The following ANO4 variants were observed in gnomAD, a reference collection of about 807,000 sequenced individuals.
ANO4 encodes the protein anoctamin 4.
Under a neutral mutation model 141.9 loss-of-function variants are expected in ANO4, and 69 were observed. The observed-to-expected ratio is 0.49, with a 90% CI of 0.40 to 0.59. The LOEUF is 0.59. Ranked by LOEUF, ANO4 falls within the 20% of genes least tolerant of loss-of-function variation. ANO4 has a pLI of 0.00. For missense variants in ANO4, 894 were observed against 1,162.2 expected, an observed-to-expected ratio of 0.77 and a Z score of 3.36; for synonymous variants, 350 against 394.3, an observed-to-expected ratio of 0.89 and a Z score of 1.33.
upstream of ANO4, chr12:100,717,449 G>C (rs910444126): frequency 1.5e-5 from 6 of 395,762 alleles, 1 homozygote; most frequent in African/African-American, 4.1e-5. Flanking sequence ...TCGCCGGGCC[G>C]GGCCGTCCAG....
At chr12:101,003,769 A>C (rs1348102050) in intron 8 of ANO4, among the ~76,000 whole-genome samples, 1 of 152,182 alleles carries the variant, frequency 6.6e-6, no homozygotes, top group Non-Finnish European at 1.5e-5. Flanking sequence ...CAAAATATCT[A>C]GAAGAGAAGT....
At chr12:100,753,010 A>G (rs965465685) in intron 3 of ANO4, among the ~76,000 whole-genome samples, 2 of 152,096 alleles carry the variant, frequency 1.3e-5, no homozygotes, top group African/African-American at 4.8e-5. Context: ...AATGGGAGCA[A>G]TTGGGATGAC....
At chr12:101,093,873 T>C (rs750094305) in intron 17 of ANO4, among the ~76,000 whole-genome samples, 24 of 152,106 alleles carry the variant, frequency 1.6e-4, no homozygotes, top group Non-Finnish European at 3.1e-4. Flanking sequence ...GATCTTACCA[T>C]CAGAAGCGGG....
intron 1 of ANO4, among the ~76,000 whole-genome samples, chr12:100,830,974 T>C (rs550673263): frequency 6.6e-6 from 1 of 152,230 alleles, no homozygotes; most frequent in East Asian, 1.9e-4. Context: ...GCTAGACCCA[T>C]TCCTCAGTGA....
At chr12:100,850,016 T>C (rs2037786246) in intron 1 of ANO4, among the ~76,000 whole-genome samples, 1 of 152,186 alleles carries the variant, frequency 6.6e-6, no homozygotes, top group African/African-American at 2.4e-5. Context: ...GTTGAAAGTA[T>C]TTGAGAGTAC....
At chr12:100,771,949 T>C (rs896912867) in intron 3 of ANO4, among the ~76,000 whole-genome samples, 4 of 152,328 alleles carry the variant, frequency 2.6e-5, no homozygotes, top group Middle Eastern at 3.4e-3. Context: ...GCAAAGCCTT[T>C]GTCATTGCCT....
chr12:101,099,696 C>T lies in ANO4; in HGVS notation c.2125C>T (p.Leu709Phe). ...CCTTCAGCCGATGAATGCCTATGGA[C>T]TCTTCGATGAATACTTAGAAATGAG... ...YNLQPMNAYG[L>F]FDEYLEMILQ... Residue 709 changes from leucine (L) to phenylalanine (F), a missense_variant, in exon 22 of 28, where the codon CTC becomes TTC. Transcript: ENST00000392977. 1 of 1,580,786 alleles carries T rather than the reference C, an allele frequency of 6.3e-7. No homozygotes were observed. Among genetic ancestry groups the T allele is most frequent in the Non-Finnish European group, 8.5e-7 (1 of 1,171,112 alleles).
At chr12:101,002,940 A>G (rs1414545029) in intron 8 of ANO4, among the ~76,000 whole-genome samples, 3 of 152,180 alleles carry the variant, frequency 2.0e-5, no homozygotes, top group Admixed American at 2.0e-4. Context: ...TGTTGACAAA[A>G]GCATTCCTCC....
intron 3 of ANO4, among the ~76,000 whole-genome samples, chr12:100,756,914 T>C (rs1010524002): frequency 6.6e-6 from 1 of 152,150 alleles, no homozygotes; most frequent in African/African-American, 2.4e-5. Flanking sequence ...ATTCTGTACT[T>C]TTATCTCAGA....
chr12:101,104,908 T>C (rs2050381192), intron 22 of ANO4, among the ~76,000 whole-genome samples: 1 of 152,014 alleles, frequency 6.6e-6, no homozygotes, highest in Non-Finnish European at 1.5e-5. Context: ...CTATTTTTAG[T>C]TCAGTCAACT....
chr12:100,997,601 T>C lies in ANO4; in HGVS notation c.734+9931T>C, dbSNP rs896267574. Among the ~76,000 whole-genome samples, 3 of 152,042 alleles carry C rather than the reference T, an allele frequency of 2.0e-5. No individual in the cohort carries two copies. The East Asian group carries it at 5.8e-4, about 29-fold the overall frequency. ...TAGGCATTCAAGTTCAGGGAAAAAG[T>C]AGGCTCAGATTTGCAGGCCTCAGTG... On this transcript the variant is annotated intron_variant, in intron 8 of 27. Transcript: ENST00000392977.
intron 8 of ANO4, among the ~76,000 whole-genome samples, chr12:100,995,878 C>A (rs2045345609): frequency 6.6e-6 from 1 of 152,214 alleles, no homozygotes; most frequent in Non-Finnish European, 1.5e-5. Flanking sequence ...AGGAGCAAGG[C>A]AGAATTGGCA....
intron 8 of ANO4, among the ~76,000 whole-genome samples, chr12:101,018,888 T>A (rs1355445450): frequency 6.6e-6 from 1 of 152,210 alleles, no homozygotes; most frequent in Non-Finnish European, 1.5e-5. Context: ...GGATTTTATC[T>A]GTTTTGTTTA....
chr12:101,116,720 G>T lies in ANO4; in HGVS notation c.2492G>T (p.Arg831Leu). 4.3e-6 allele frequency: 7 copies of T among 1,614,076 alleles called. No individual in the cohort carries two copies. Among genetic ancestry groups the T allele is most frequent in the Non-Finnish European group, 5.9e-6 (7 of 1,180,010 alleles). ...GTGAATGCCAGCTTGTCTGTATTTCGAATTTCTGACTTTGAGAACCGATCT... is the reference window on the plus strand; with the variant it reads ...GTGAATGCCAGCTTGTCTGTATTTCTAATTTCTGACTTTGAGAACCGATCT... ...GYVNASLSVF[R>L]ISDFENRSEP... The change falls in exon 25 of 28, where the codon CGA (arginine) becomes CTA (leucine). Residue 831 changes from arginine to leucine, a missense_variant. Physicochemically the swap from Arg to Leu is moderately radical, Grantham distance 102 (BLOSUM62 -2). Transcript: ENST00000392977.
chr12:100,752,675 A>G (rs954130721), intron 3 of ANO4, among the ~76,000 whole-genome samples: 1 of 152,082 alleles, frequency 6.6e-6, no homozygotes, highest in African/African-American at 2.4e-5. Context: ...ATTAATGTTC[A>G]TTTCAAAACA....
At chr12:101,040,340 T>C (rs1048401205) in intron 11 of ANO4, among the ~76,000 whole-genome samples, 6 of 152,216 alleles carry the variant, frequency 3.9e-5, no homozygotes, top group African/African-American at 1.2e-4. Context: ...GCCAGGCCTG[T>C]CACAAGACTT....
intron 5 of ANO4, among the ~76,000 whole-genome samples, chr12:100,970,707 T>TTCCC: frequency 7.7e-6 from 1 of 130,696 alleles, no homozygotes; most frequent in Non-Finnish European, 1.6e-5. Flanking sequence ...CCTTCCTTCC[T>TTCCC]TCCTTCCTTC....
Position 101,042,473 on chromosome 12 carries a change from G to A in ANO4, c.1154+5G>A, listed in dbSNP as rs781337778. On this transcript the variant is annotated splice_donor_5th_base_variant and intron_variant, in intron 12 of 27. Coordinates refer to ENST00000392977, the MANE Select transcript of ANO4 (RefSeq NM_001286615.2). ...TCTGGATCACAGCCAAGTCAGGTAC[G>A]GGGAGCTCTTGGATGAGTTTGCCTT... is the stretch of plus-strand genomic sequence containing the variant. The A allele has an allele frequency of 3.2e-5, 52 of 1,613,856 alleles. No homozygotes were observed. Among genetic ancestry groups the A allele is most frequent in the Non-Finnish European group, 3.9e-5 (46 of 1,179,958 alleles).
chr12:101,074,250 A>G (rs10745903), intron 14 of ANO4, among the ~76,000 whole-genome samples: 1 of 151,974 alleles, frequency 6.6e-6, no homozygotes, highest in African/African-American at 2.4e-5. Flanking sequence ...CCAGGCTGGC[A>G]GACAGCTCCA....
Sources: gnomAD v4.1 joint callset for allele counts (sites outside exome capture counted in the v4.1 genomes callset) on GRCh38, gnomAD v4.1.1 for gene constraint, MANE v1.5 for transcripts, NCBI Gene and HGNC (gene_info 2026-07-23, HGNC 2026-07-21) for gene names.